PALS2: variants seen among roughly 807,000 people sequenced by gnomAD.
PALS2 encodes the protein protein PALS2.
In PALS2, 27 loss-of-function variants were observed where a neutral mutation model predicts 61.6. The ratio of observed to expected loss-of-function variants is 0.44; its 90% CI spans 0.32 to 0.60. The LOEUF is 0.60. PALS2 is among the 20% of genes least tolerant of loss of function. The pLI, the probability that PALS2 is intolerant of heterozygous loss-of-function variation, is 0.05. For missense variants in PALS2, 554 were observed against 639.4 expected, an observed-to-expected ratio of 0.87 and a Z score of 1.44; for synonymous variants, 236 against 218.6, an observed-to-expected ratio of 1.08 and a Z score of -0.70.
At chr7:24,676,714 T>A (rs1299908315) in intron 9 of PALS2, among the ~76,000 whole-genome samples, 1 of 151,136 alleles carries the variant, frequency 6.6e-6, no homozygotes, top group Non-Finnish European at 1.5e-5. Context: ...CTGAGGGCTC[T>A]GTTCTGTTCC....
At chr7:24,595,750 C>G (rs1050891679) in intron 1 of PALS2, among the ~76,000 whole-genome samples, 2 of 150,610 alleles carry the variant, frequency 1.3e-5, no homozygotes, top group Non-Finnish European at 2.9e-5. Context: ...AGTGACAAGA[C>G]TGTATGTAAG....
At chr7:24,611,943 C>CCCCAACTAT (rs900470214) in intron 1 of PALS2, among the ~76,000 whole-genome samples, 61 of 151,740 alleles carry the variant, frequency 4.0e-4, no homozygotes, top group African/African-American at 1.3e-3. Flanking sequence ...AGTCTGGGTA[C>CCCCAACTAT]GATATGATAA....
chr7:24,616,709 T>G (rs1378834309), intron 1 of PALS2, among the ~76,000 whole-genome samples: 3 of 152,188 alleles, frequency 2.0e-5, no homozygotes, highest in Non-Finnish European at 2.9e-5. Context: ...TTTTGTTGTT[T>G]TATTTTCTCT....
In PALS2 at chr7:24,573,963, C is replaced by CGCGCGGGGCCCCTTCGG. The variant is rs1224426165; in HGVS notation, c.-3+380_-3+396dup. The CGCGCGGGGCCCCTTCGG allele has an allele frequency of 6.6e-6, 1 of 152,240 alleles. No homozygotes were observed. The highest frequency in any genetic ancestry group is 1.9e-4 in the East Asian group (1 of 5,158). 9.4% of individuals were successfully genotyped at this position (152,240 alleles called of 1,614,324 possible). ...CCCCGACTGGGGCTAGGGCCGCAGA[C>CGCGCGGGGCCCCTTCGG]GCGCGGGGCCCCTTCGGGCGCGGGG... On this transcript the variant is annotated intron_variant, in intron 1 of 11. Transcript: ENST00000222644. This position sits in a 1 kb window ranked among gnomAD's most constrained non-coding sequence, Gnocchi z 5.3.
At chr7:24,584,131 T>C (rs1474718912) in intron 1 of PALS2, among the ~76,000 whole-genome samples, 2 of 149,916 alleles carry the variant, frequency 1.3e-5, no homozygotes, top group Non-Finnish European at 3.0e-5. Context: ...TACGTGTGCA[T>C]GTGTCTTTAT....
intron 1 of PALS2, among the ~76,000 whole-genome samples, chr7:24,599,215 G>C (rs1039088043): frequency 2.0e-5 from 3 of 152,146 alleles, no homozygotes; most frequent in Admixed American, 6.5e-5. Context: ...CTACAAACCT[G>C]TATAACATTT....
chr7:24,613,933 C>T (rs1562614786), intron 1 of PALS2, among the ~76,000 whole-genome samples: 1 of 151,910 alleles, frequency 6.6e-6, no homozygotes, highest in African/African-American at 2.4e-5. Flanking sequence ...CTTTTTATGG[C>T]TGAATAGTAT....
chr7:24,618,425 A>G lies in PALS2; in HGVS notation c.-2-5241A>G, dbSNP rs890303045. On this transcript the variant is annotated intron_variant, in intron 1 of 11. Transcript: ENST00000222644. This position sits in a 1 kb window ranked among gnomAD's most constrained non-coding sequence, Gnocchi z 5.1. ...GGAATGAAAACAACTCCTAGGCTGG[A>G]AAAGTGCAGGGTGTACTTCAGAAAT... 6.6e-6 allele frequency among the ~76,000 whole-genome samples: 1 copy of G among 152,210 alleles called. No homozygotes were observed. The highest frequency in any genetic ancestry group is 1.5e-5 in the Non-Finnish European group (1 of 68,028).
chr7:24,579,620 T>A (rs906509620), intron 1 of PALS2, among the ~76,000 whole-genome samples: 1 of 152,158 alleles, frequency 6.6e-6, no homozygotes, highest in Non-Finnish European at 1.5e-5. Flanking sequence ...CACCGAGATT[T>A]TCCGATACTT....
chr7:24,625,427 TA>T (rs1784699848), intron 2 of PALS2, among the ~76,000 whole-genome samples: 2 of 152,236 alleles, frequency 1.3e-5, no homozygotes, highest in Non-Finnish European at 2.9e-5. Flanking sequence ...TTTATGAATT[TA>T]AAATATACTG....
intron 1 of PALS2, among the ~76,000 whole-genome samples, chr7:24,575,903 G>A (rs1782626442): frequency 6.6e-6 from 1 of 151,848 alleles, no homozygotes; most frequent in South Asian, 2.1e-4. Flanking sequence ...ATTCACATTA[G>A]GTATATAATA....
chr7:24,679,886 G>A (rs1244643721), intron 10 of PALS2, among the ~76,000 whole-genome samples: 1 of 152,074 alleles, frequency 6.6e-6, no homozygotes, highest in Non-Finnish European at 1.5e-5. Context: ...ATAAGGTAAT[G>A]GGTTTTCTGT....
Position 24,648,324 on chromosome 7 carries a change from C to T in PALS2, c.271-1288C>T, listed in dbSNP as rs1432007137. On this transcript the variant is annotated intron_variant, in intron 3 of 11. Coordinates refer to ENST00000222644, the MANE Select transcript of PALS2 (RefSeq NM_001303037.2). ...TTTTTTTTTTTGAGACAGAGTTTCA[C>T]TCTTGTTGCCCAGGCTGGAGTACAA... 3.0e-5 allele frequency among the ~76,000 whole-genome samples: 4 copies of T among 134,802 alleles called. No homozygotes were observed. In the Admixed American group the frequency reaches 3.1e-4, roughly 11 times the overall value. 88.4% of individuals were successfully genotyped at this position (134,802 alleles called of 152,430 possible).
chr7:24,667,967 G>T (rs1054183918), intron 8 of PALS2, among the ~76,000 whole-genome samples: 4 of 151,100 alleles, frequency 2.6e-5, no homozygotes. Context: ...TGCCCAGCCC[G>T]ATTAGACAAA....
chr7:24,667,195 C>A (rs1251179702), intron 8 of PALS2, among the ~76,000 whole-genome samples: 6 of 151,958 alleles, frequency 3.9e-5, no homozygotes. Flanking sequence ...CACTTTGGCC[C>A]TATTATTCAT....
intron 3 of PALS2, among the ~76,000 whole-genome samples, chr7:24,643,373 C>T (rs1023736529): frequency 1.3e-5 from 2 of 152,118 alleles, no homozygotes; most frequent in African/African-American, 2.4e-5. Context: ...CATTGCTTTT[C>T]TTCTACCCAG....
At position 24,687,117 on chromosome 7, in the gene PALS2, T is replaced by A. The variant is rs796169882; in HGVS notation, c.1447-321T>A. Reference sequence around the variant, plus strand: ...ATGATATAGTGGAGCTGGAAACCAGTCACCTGCAGTAATTGTTTTGTTACT... The same window carrying A: ...ATGATATAGTGGAGCTGGAAACCAGACACCTGCAGTAATTGTTTTGTTACT... On this transcript the variant is annotated intron_variant, in intron 11 of 11. Coordinates refer to ENST00000222644, the MANE Select transcript of PALS2 (RefSeq NM_001303037.2). This position sits in a 1 kb window ranked among gnomAD's most constrained non-coding sequence, Gnocchi z 4.5. Among the ~76,000 whole-genome samples the A allele has an allele frequency of 5.3e-5, 8 of 152,310 alleles. No individual in the cohort carries two copies. The highest frequency in any genetic ancestry group is 1.9e-4 in the African/African-American group (8 of 41,576).
intron 1 of PALS2, among the ~76,000 whole-genome samples, chr7:24,599,860 C>G (rs1783655974): frequency 6.6e-6 from 1 of 151,938 alleles, no homozygotes; most frequent in Admixed American, 6.6e-5. Context: ...TTATTAAAAA[C>G]TAAGATGCAA....
intron 9 of PALS2, among the ~76,000 whole-genome samples, chr7:24,671,116 C>T (rs1787273204): frequency 6.6e-6 from 1 of 152,166 alleles, no homozygotes; most frequent in Admixed American, 6.5e-5. Context: ...TTTTCCACAG[C>T]AGCTGTGTAT....
Sources: allele counts gnomAD v4.1 joint callset (sites outside exome capture counted in the v4.1 genomes callset), GRCh38; gene constraint gnomAD v4.1.1; non-coding constraint Gnocchi (gnomAD v3.1); transcripts MANE v1.5; gene names NCBI Gene and HGNC (gene_info 2026-07-23, HGNC 2026-07-21).